The following ESYT1 variants were observed in gnomAD, a reference collection of about 807,000 sequenced individuals.
The protein encoded by ESYT1 is extended synaptotagmin-1.
In ESYT1, 116 loss-of-function variants were observed where a neutral mutation model predicts 154.2. The observed-to-expected ratio is 0.75, with a 90% CI of 0.65 to 0.88. The LOEUF is 0.88. Ranked by LOEUF, ESYT1 falls within the 40% of genes least tolerant of loss-of-function variation. The probability of loss-of-function intolerance (pLI) is 0.00; values close to 1 mark genes in which losing one functional copy is unlikely to be tolerated. For missense variants in ESYT1, 1,264 were observed against 1,379.3 expected, an observed-to-expected ratio of 0.92 and a Z score of 1.32; for synonymous variants, 500 against 539.9, an observed-to-expected ratio of 0.93 and a Z score of 1.02.
At position 56,128,663 on chromosome 12, in the gene ESYT1, T is replaced by A. The variant is rs1464134739; in HGVS notation, c.344T>A (p.Leu115His). ...ARQLLDDEEQ[L>H]TAKTLYMSHR... The stretch of plus-strand genomic sequence containing the variant: ...CAGCTACTGGACGACGAGGAGCAGC[T>A]CACTGCGAAAACTCTCTATATGAGT... The change falls in exon 1 of 31, where the codon CTC becomes CAC. Residue 115 changes from leucine (L) to histidine (H), a missense_variant. By Grantham distance (99) the Leu-to-His change is moderately conservative. Coordinates refer to ENST00000394048, the MANE Select transcript of ESYT1 (RefSeq NM_015292.3). 1.2e-6 allele frequency: 2 copies of A among 1,614,162 alleles called. No individual in the cohort carries two copies. The highest frequency in any genetic ancestry group is 1.7e-6 in the Non-Finnish European group (2 of 1,180,030).
intron 3 of ESYT1, 31 bp from the exon 4 acceptor site, chr12:56,130,992 GTACTTCTCCCTATCCCT>G: frequency 6.2e-7 from 1 of 1,613,930 alleles, no homozygotes; most frequent in South Asian, 1.1e-5. Context: ...GTAGACTCAG[GTACTTCTCCCTATCCCT>G]GCCCTCTCTC....
In ESYT1 at chr12:56,128,418, G is replaced by T. The variant is rs1393621162; in HGVS notation, c.99G>T (p.Lys33Asn). 4 of 1,612,488 alleles carry T rather than the reference G, an allele frequency of 2.5e-6. No homozygotes were observed. Among genetic ancestry groups the T allele is most frequent in the Non-Finnish European group, 3.4e-6 (4 of 1,179,250 alleles). ...ACCAGCCCCCCGCTGCTCACGCAAA[G>T]CCAGACCCAGGTTCTGGGGGCCAAC... ...PTDQPPAAHAKPDPGSGGQPA... is the reference protein window; with the variant it reads ...PTDQPPAAHANPDPGSGGQPA... Residue 33 changes from lysine (K) to asparagine (N), a missense_variant, in exon 1 of 31, where the codon AAG (lysine) becomes AAT (asparagine). By Grantham distance (94) the Lys-to-Asn change is moderately conservative. Coordinates refer to ENST00000394048, the MANE Select transcript of ESYT1 (RefSeq NM_015292.3).
chr12:56,137,042 G>A (rs768981914), intron 16 of ESYT1, 149 bp downstream of exon 16: 5 of 1,302,480 alleles, frequency 3.8e-6, no homozygotes, highest in Non-Finnish European at 5.3e-6. Flanking sequence ...TGATCTGACT[G>A]GTGGAAGGAA....
In ESYT1 at chr12:56,137,481, C is replaced by T. The variant is rs576110803; in HGVS notation, c.1939-18C>T. On this transcript the variant is annotated intron_variant, in intron 17 of 30. Coordinates refer to ENST00000394048, the MANE Select transcript of ESYT1 (RefSeq NM_015292.3). ...CTCTCTCCCTTTGCCATCTGGCACC[C>T]CCCCGTCCCTTTTGCAGCATGTGCT... The T allele has an allele frequency of 6.2e-7, 1 of 1,609,812 alleles. No homozygotes were observed. The highest frequency in any genetic ancestry group is 2.2e-5 in the East Asian group (1 of 44,836).
chr12:56,143,654 T>C, intron 30 of ESYT1, 25 bp downstream of exon 30: 1 of 1,613,986 alleles, frequency 6.2e-7, no homozygotes, highest in Non-Finnish European at 8.5e-7. Flanking sequence ...GGGTGGGGGA[T>C]GGTCTGGATA....
intron 16 of ESYT1, 44 bp downstream of exon 16, chr12:56,136,937 T>C: frequency 1.3e-6 from 2 of 1,538,504 alleles, no homozygotes; most frequent in Non-Finnish European, 1.8e-6. Flanking sequence ...GAAAGGCCTG[T>C]TGATTCTTTG....
intron 1 of ESYT1, 137 bp downstream of exon 1, chr12:56,128,846 A>G (rs1282669214): frequency 7.4e-6 from 8 of 1,085,646 alleles, no homozygotes; most frequent in African/African-American, 1.6e-5. Context: ...TCTCCCCGCT[A>G]GCCGCCTGCC....
At position 56,131,325 on chromosome 12, in the gene ESYT1, G is replaced by A; in HGVS notation, c.714+9G>A. On this transcript the variant is annotated intron_variant, in intron 5 of 30. Coordinates refer to ENST00000394048, the MANE Select transcript of ESYT1 (RefSeq NM_015292.3). Reference sequence around the variant, plus strand: ...GAGTCAAGGGCATGCAGGTAGGCCAGATGTCAGGGGCCACATAATAGGGAA... The same window carrying A: ...GAGTCAAGGGCATGCAGGTAGGCCAAATGTCAGGGGCCACATAATAGGGAA... The A allele has an allele frequency of 6.2e-7, 1 of 1,614,180 alleles. No individual in the cohort carries two copies. The highest frequency in any genetic ancestry group is 2.2e-5 in the East Asian group (1 of 44,888).
intron 10 of ESYT1, 124 bp from the exon 11 acceptor site, chr12:56,133,293 G>T: frequency 1.0e-6 from 1 of 994,758 alleles, no homozygotes; most frequent in South Asian, 1.3e-5. Context: ...CTTCTGAGAG[G>T]AATAAGGGAG....
chr12:56,131,889 T>C (rs1870250068), intron 7 of ESYT1, 85 bp downstream of exon 7: 3 of 1,372,030 alleles, frequency 2.2e-6, no homozygotes, highest in Non-Finnish European at 3.1e-6. Context: ...AAGATGCTGC[T>C]TGTGTCCTCT....
At position 56,137,638 on chromosome 12, in the gene ESYT1, G is replaced by C. The variant is rs774943160; in HGVS notation, c.2078G>C (p.Arg693Pro). The change falls in exon 18 of 31, where the codon CGG becomes CCG. Residue 693 changes from arginine (R) to proline (P), a missense_variant. Physicochemically the swap from Arg to Pro is moderately radical, Grantham distance 103. Transcript: ENST00000394048. ...CGAAGCTTCCGGAGCCATGTTGTTCGGGAAGATCTCAATCCCCGCTGGAAT... is the reference window on the plus strand; with the variant it reads ...CGAAGCTTCCGGAGCCATGTTGTTCCGGAAGATCTCAATCCCCGCTGGAAT... ...AGRSFRSHVV[R>P]EDLNPRWNEV... 1.2e-6 allele frequency: 2 copies of C among 1,614,100 alleles called. No homozygotes were observed. The highest frequency in any genetic ancestry group is 1.7e-6 in the Non-Finnish European group (2 of 1,180,024).
chr12:56,134,229 G>T (rs1178283965), intron 14 of ESYT1, 48 bp downstream of exon 14: 1 of 1,603,870 alleles, frequency 6.2e-7, no homozygotes, highest in Non-Finnish European at 8.5e-7. Flanking sequence ...ACAGGGAGAG[G>T]CCTATTCTTG....
chr12:56,132,887 G>C (rs1870297969), intron 10 of ESYT1, 86 bp downstream of exon 10: 39 of 1,129,752 alleles, frequency 3.5e-5, no homozygotes, highest in Non-Finnish European at 4.5e-5. Context: ...TTGGGAGGCT[G>C]AGGCGGGCGG....
In ESYT1 at chr12:56,144,208, T is replaced by A. The variant is rs1249431033; in HGVS notation, c.*346T>A. 14 of 1,188,602 alleles carry A rather than the reference T, an allele frequency of 1.2e-5. No homozygotes were observed. The highest frequency in any genetic ancestry group is 1.5e-5 in the Non-Finnish European group (14 of 954,258). 73.6% of individuals were successfully genotyped at this position (1,188,602 alleles called of 1,614,324 possible). ...AGCAGTGGTATTAGCTTATGCCAAA[T>A]ACAGCTTTGGAAGGATCTTTTTTTC... is the stretch of plus-strand genomic sequence containing the variant. On this transcript the variant is annotated 3_prime_UTR_variant, in exon 31 of 31. Coordinates refer to ENST00000394048, the MANE Select transcript of ESYT1 (RefSeq NM_015292.3).
In ESYT1 at chr12:56,128,535, G is replaced by A. The variant is rs757330751; in HGVS notation, c.216G>A (p.Gly72=). The A allele has an allele frequency of 2.5e-6, 4 of 1,613,148 alleles. No individual in the cohort carries two copies. The highest frequency in any genetic ancestry group is 3.4e-6 in the Non-Finnish European group (4 of 1,179,674). Residue 72 remains glycine, a synonymous_variant, in exon 1 of 31, where the codon GGG becomes GGA. Coordinates refer to ENST00000394048, the MANE Select transcript of ESYT1 (RefSeq NM_015292.3). ...LLVLIPVYLA[G]AVGLSVGFVL... is the part of the protein sequence containing the mutation. ...TGCTGATACCTGTGTATTTGGCCGG[G>A]GCAGTGGGACTCAGCGTGGGTTTCG... is the stretch of plus-strand genomic sequence containing the variant.
At chr12:56,135,615 G>A (rs994254149) in intron 15 of ESYT1, among the ~76,000 whole-genome samples, 6 of 152,018 alleles carry the variant, frequency 3.9e-5, no homozygotes, top group African/African-American at 1.2e-4. Context: ...ACTAAGGCCA[G>A]GCATGGTGGC....
intron 1 of ESYT1, 123 bp downstream of exon 1, chr12:56,128,832 CCT>C (rs1018754850): frequency 9.6e-5 from 118 of 1,227,878 alleles, no homozygotes; most frequent in Non-Finnish European, 1.3e-4. Context: ...CAGACTTTCC[CCT>C]CTCTCCCCGC....
rs532081962 is a variant in ESYT1 at position 56,141,568 on chromosome 12, G to T, written c.2593-717G>T. On this transcript the variant is annotated intron_variant, in intron 24 of 30. Coordinates refer to ENST00000394048, the MANE Select transcript of ESYT1 (RefSeq NM_015292.3). ...ATCCTGGCTAACACGGTGAAACCCT[G>T]TCTCTATTAAAAATACAAAAAATTA... Among the ~76,000 whole-genome samples the T allele has an allele frequency of 5.3e-5, 8 of 152,228 alleles. No homozygotes were observed. In the South Asian group the frequency reaches 1.2e-3, roughly 24 times the overall value.
At chr12:56,137,411 C>T (rs747326082) in intron 17 of ESYT1, 38 bp downstream of exon 17, 1 of 1,613,180 alleles carries the variant, frequency 6.2e-7, no homozygotes, top group East Asian at 2.2e-5. Flanking sequence ...GTCTGTTTGC[C>T]CCGCTAAGTA....
Sources: gnomAD v4.1 joint callset for allele counts (sites outside exome capture counted in the v4.1 genomes callset) on GRCh38, gnomAD v4.1.1 for gene constraint, MANE v1.5 for transcripts, NCBI Gene and HGNC (gene_info 2026-07-23, HGNC 2026-07-21) for gene names.